The following PTPRR variants were observed in gnomAD, a reference collection of about 807,000 sequenced individuals.
The protein encoded by PTPRR is receptor-type tyrosine-protein phosphatase R.
PTPRR carries 38 observed loss-of-function variants against 77.2 expected under a neutral mutation model. The ratio of observed to expected loss-of-function variants is 0.49; its 90% CI spans 0.38 to 0.65. The LOEUF (loss-of-function observed/expected upper bound fraction) is 0.65, where lower values mean the gene tolerates loss of function less well. Ranked by LOEUF, PTPRR falls within the 30% of genes least tolerant of loss-of-function variation. PTPRR has a pLI of 0.00. For missense variants in PTPRR, 744 were observed against 799.2 expected (o/e 0.93, Z 0.83); for synonymous variants, 299 against 283.1 (o/e 1.06, Z -0.57).
In PTPRR at chr12:70,646,097, A is replaced by G. The variant is rs530271394; in HGVS notation, c.1881-6820T>C. On this transcript the variant is annotated intron_variant, in intron 13 of 13. Transcript: ENST00000283228. The stretch of plus-strand genomic sequence containing the variant: ...CTCCTTTGCTTTTTATTATTTTCAA[A>G]TCTGGAATTCTTTTGGTAAAGTTTG... Among the ~76,000 whole-genome samples, 3 of 152,174 alleles carry G rather than the reference A, an allele frequency of 2.0e-5. No individual in the cohort carries two copies. The East Asian group carries it at 5.8e-4, about 29-fold the overall frequency.
intron 2 of PTPRR, among the ~76,000 whole-genome samples, chr12:70,767,197 C>T (rs1890847014): frequency 1.3e-5 from 2 of 151,882 alleles, no homozygotes; most frequent in Non-Finnish European, 2.9e-5. Flanking sequence ...ACTAAATGCT[C>T]CAGTTAAAAG....
intron 10 of PTPRR, chr12:70,664,236 G>T (rs1886898648): frequency 6.6e-6 from 1 of 152,156 alleles, no homozygotes; most frequent in Non-Finnish European, 1.5e-5. Flanking sequence ...ATTAAGAGAA[G>T]AAACCTTTTT....
chr12:70,691,579 C>G (rs972379188), intron 8 of PTPRR, among the ~76,000 whole-genome samples: 2 of 152,100 alleles, frequency 1.3e-5, no homozygotes, highest in African/African-American at 4.8e-5. Context: ...TATAGTCCAG[C>G]TTTTTCTATT....
chr12:70,823,247 G>C (rs952935899), intron 2 of PTPRR, among the ~76,000 whole-genome samples: 1 of 152,084 alleles, frequency 6.6e-6, no homozygotes, highest in African/African-American at 2.4e-5. Context: ...TAGAATAAGA[G>C]TGAAACAAAA....
intron 1 of PTPRR, among the ~76,000 whole-genome samples, chr12:70,907,634 T>C (rs12828484): frequency 3.2e-4 from 49 of 152,184 alleles, no homozygotes; most frequent in Non-Finnish European, 5.6e-4. Context: ...TGGAACATAA[T>C]ACAATTAAAA....
chr12:70,903,402 AAAAAT>A (rs1173812116), intron 1 of PTPRR, among the ~76,000 whole-genome samples: 1 of 151,878 alleles, frequency 6.6e-6, no homozygotes, highest in African/African-American at 2.4e-5. Flanking sequence ...AATGTAAATC[AAAAAT>A]AAAATAACTG....
chr12:70,764,934 T>A (rs927794197), intron 2 of PTPRR, among the ~76,000 whole-genome samples, 156 bp from the exon 3 acceptor site: 3 of 152,244 alleles, frequency 2.0e-5, no homozygotes, highest in Admixed American at 2.0e-4. Flanking sequence ...ACACTAATAA[T>A]GCTTTATTGC....
At chr12:70,645,612 G>GTT (rs1886167382) in intron 13 of PTPRR, among the ~76,000 whole-genome samples, 1 of 152,128 alleles carries the variant, frequency 6.6e-6, no homozygotes, top group Non-Finnish European at 1.5e-5. Flanking sequence ...CAAAAGTGGT[G>GTT]TTAGCCACGT....
At chr12:70,820,446 G>A (rs1891986110) in intron 2 of PTPRR, among the ~76,000 whole-genome samples, 1 of 152,148 alleles carries the variant, frequency 6.6e-6, no homozygotes, top group African/African-American at 2.4e-5. Flanking sequence ...CCATTCTCCT[G>A]CCTCAGCCTC....
At chr12:70,827,211 A>C (rs1055154689) in intron 2 of PTPRR, among the ~76,000 whole-genome samples, 4 of 152,224 alleles carry the variant, frequency 2.6e-5, no homozygotes, top group African/African-American at 9.6e-5. Flanking sequence ...TCACTGGAAT[A>C]TAAGTTACAG....
chr12:70,781,270 A>G (rs922596137), intron 2 of PTPRR, among the ~76,000 whole-genome samples: 21 of 152,350 alleles, frequency 1.4e-4, no homozygotes, highest in African/African-American at 5.1e-4. Context: ...TTCAGCACAG[A>G]TATCTATGCT....
chr12:70,659,625 G>T lies in PTPRR; in HGVS notation c.1766+1315C>A, dbSNP rs118145614. On this transcript the variant is annotated intron_variant, in intron 12 of 13. Coordinates refer to ENST00000283228, the MANE Select transcript of PTPRR (RefSeq NM_002849.4). Reference sequence around the variant, plus strand: ...GGTGGGGGACAGTTCCAGCCCTAACGCATAGTCAGTTAGGCTGTTTTTTTG... The same window carrying T: ...GGTGGGGGACAGTTCCAGCCCTAACTCATAGTCAGTTAGGCTGTTTTTTTG... Among the ~76,000 whole-genome samples the T allele has an allele frequency of 1.2e-3, 179 of 152,168 alleles. 1 individual carries two copies. The highest frequency in any genetic ancestry group is 5.2e-3 in the Admixed American group (80 of 15,280).
intron 10 of PTPRR, among the ~76,000 whole-genome samples, chr12:70,670,347 T>C (rs578002102): frequency 6.6e-6 from 1 of 152,330 alleles, no homozygotes; most frequent in South Asian, 2.1e-4. Context: ...GGGCAATGAT[T>C]AAGTGCCTGG....
intron 5 of PTPRR, among the ~76,000 whole-genome samples, chr12:70,746,484 G>A (rs994755942): frequency 1.8e-4 from 28 of 152,106 alleles, no homozygotes; most frequent in African/African-American, 4.1e-4. Flanking sequence ...ACATGGCTTA[G>A]TAGAAAAAAG....
intron 10 of PTPRR, among the ~76,000 whole-genome samples, chr12:70,673,262 T>C (rs1431185161): frequency 2.0e-5 from 3 of 152,168 alleles, no homozygotes; most frequent in Admixed American, 2.0e-4. Flanking sequence ...TCTTAGTTTC[T>C]GTCCTGCTAA....
At chr12:70,656,616 C>G (rs1315722678) in intron 13 of PTPRR, 88 bp downstream of exon 13, 8 of 897,866 alleles carry the variant, frequency 8.9e-6, no homozygotes, top group Middle Eastern at 4.4e-4. Flanking sequence ...GACCTTGGAG[C>G]CTGAGATGTT....
intron 6 of PTPRR, among the ~76,000 whole-genome samples, chr12:70,739,642 C>T (rs1473028402): frequency 6.6e-6 from 1 of 152,160 alleles, no homozygotes; most frequent in Non-Finnish European, 1.5e-5. Context: ...ACAAGACAAA[C>T]CACTTAAAAA....
chr12:70,690,246 A>G (rs900321381), intron 8 of PTPRR, among the ~76,000 whole-genome samples: 2 of 152,170 alleles, frequency 1.3e-5, no homozygotes, highest in Non-Finnish European at 2.9e-5. Flanking sequence ...TATTTAAACC[A>G]CTGTTATTTG....
chr12:70,866,038 T>C (rs1892839137), intron 2 of PTPRR, among the ~76,000 whole-genome samples: 1 of 152,038 alleles, frequency 6.6e-6, no homozygotes, highest in Non-Finnish European at 1.5e-5. Context: ...CAAAGCAGTG[T>C]GTAGAGGGAA....
Sources: gnomAD v4.1 joint callset for allele counts (sites outside exome capture counted in the v4.1 genomes callset) on GRCh38, gnomAD v4.1.1 for gene constraint, MANE v1.5 for transcripts, NCBI Gene and HGNC (gene_info 2026-07-23, HGNC 2026-07-21) for gene names.